Variants in TENM3 observed in about 807,000 individuals in gnomAD.
The protein encoded by TENM3 is teneurin transmembrane protein 3.
A neutral mutation model predicts 255.1 loss-of-function variants in TENM3; 63 were observed. That is an observed-to-expected ratio of 0.25 (90% CI 0.20 to 0.30). The LOEUF (loss-of-function observed/expected upper bound fraction) is 0.30, where lower values mean the gene tolerates loss of function less well. TENM3 is among the 10% of genes least tolerant of loss of function. TENM3 has a pLI of 1.00. For missense variants in TENM3, 2,929 were observed against 3,461.1 expected, an observed-to-expected ratio of 0.85 and a Z score of 3.86; for synonymous variants, 1,306 against 1,322.3, an observed-to-expected ratio of 0.99 and a Z score of 0.27.
chr4:181,460,502 A>G, the TENM3 span, among the ~76,000 whole-genome samples: 4 of 151,864 alleles, frequency 2.6e-5, no homozygotes, highest in African/African-American at 7.2e-5. Flanking sequence ...ATAGCTCATA[A>G]AATATATTTA....
At chr4:182,276,696 G>A (rs552463672) in intron 1 of TENM3, among the ~76,000 whole-genome samples, 1 of 152,146 alleles carries the variant, frequency 6.6e-6, no homozygotes, top group East Asian at 1.9e-4. Flanking sequence ...TAATGTTTCA[G>A]TGAAAATTAT....
At chr4:181,580,069 C>T in the TENM3 span, among the ~76,000 whole-genome samples, 1 of 152,034 alleles carries the variant, frequency 6.6e-6, no homozygotes, top group African/African-American at 2.4e-5. Context: ...GCGATCTCAA[C>T]TCACCGCAAC....
At chr4:181,862,693 A>C in the TENM3 span, among the ~76,000 whole-genome samples, 1 of 152,328 alleles carries the variant, frequency 6.6e-6, no homozygotes, top group Non-Finnish European at 1.5e-5. Context: ...GTGTTTTTCT[A>C]AATTGCTACT....
the TENM3 span, among the ~76,000 whole-genome samples, chr4:181,448,782 G>A: frequency 6.6e-6 from 1 of 152,104 alleles, no homozygotes; most frequent in Non-Finnish European, 1.5e-5. Flanking sequence ...ATATTACAAA[G>A]TTTTATAAAG....
At chr4:182,219,198 G>A (rs903838478) in intron 1 of TENM3, among the ~76,000 whole-genome samples, 1 of 151,974 alleles carries the variant, frequency 6.6e-6, no homozygotes, top group East Asian at 1.9e-4. Context: ...CTCCAGCCTG[G>A]GTGACAGAGC....
the TENM3 span, among the ~76,000 whole-genome samples, chr4:181,597,522 C>G: frequency 1.3e-5 from 2 of 151,900 alleles, no homozygotes; most frequent in African/African-American, 4.8e-5. Flanking sequence ...TTTTTTCAAG[C>G]ATTAACATAT....
At chr4:181,863,197 G>A in the TENM3 span, among the ~76,000 whole-genome samples, 10 of 152,068 alleles carry the variant, frequency 6.6e-5, no homozygotes, top group African/African-American at 9.7e-5. Flanking sequence ...TTTCACCAAG[G>A]CAAAGATGAA....
At chr4:181,618,756 T>C in the TENM3 span, among the ~76,000 whole-genome samples, 3 of 152,194 alleles carry the variant, frequency 2.0e-5, no homozygotes, top group Non-Finnish European at 2.9e-5. Context: ...AAAAGGGATC[T>C]TACAACACGA....
chr4:182,663,371 T>A (rs1177839642), intron 6 of TENM3, among the ~76,000 whole-genome samples: 2 of 152,226 alleles, frequency 1.3e-5, no homozygotes, highest in Non-Finnish European at 2.9e-5. Context: ...TTACAATTAT[T>A]AGTTGTACAC....
At chr4:182,391,848 C>T (rs1425048761) in intron 3 of TENM3, among the ~76,000 whole-genome samples, 1 of 151,970 alleles carries the variant, frequency 6.6e-6, no homozygotes, top group African/African-American at 2.4e-5. Context: ...TTATGGTTGA[C>T]TTCTTCCTCT....
At chr4:181,648,919 G>A in the TENM3 span, among the ~76,000 whole-genome samples, 1 of 152,194 alleles carries the variant, frequency 6.6e-6, no homozygotes, top group Non-Finnish European at 1.5e-5. Flanking sequence ...GGACAATGCG[G>A]TGATTATAAA....
chr4:182,203,087 G>A (rs1754302837), intron 1 of TENM3, among the ~76,000 whole-genome samples: 1 of 151,978 alleles, frequency 6.6e-6, no homozygotes, highest in African/African-American at 2.4e-5. Flanking sequence ...CGTAGTGGTG[G>A]GTGCCTGTAA....
At chr4:182,306,958 A>G (rs192139860) in intron 1 of TENM3, among the ~76,000 whole-genome samples, 12 of 152,350 alleles carry the variant, frequency 7.9e-5, no homozygotes, top group Middle Eastern at 3.4e-3. Context: ...ACTCTGTAAC[A>G]TGACCCCAAA....
intron 1 of TENM3, among the ~76,000 whole-genome samples, chr4:182,233,271 A>G (rs1291267009): frequency 1.3e-5 from 2 of 152,208 alleles, no homozygotes; most frequent in Non-Finnish European, 2.9e-5. Flanking sequence ...CCAGGCATCT[A>G]TCCTGGATAG....
chr4:181,678,841 C>CAACA, the TENM3 span, among the ~76,000 whole-genome samples: 4 of 102,860 alleles, frequency 3.9e-5, no homozygotes, highest in East Asian at 2.6e-4. Context: ...ATGTTTTAAA[C>CAACA]AAAAAAAAAA....
chr4:182,096,259 G>A, the TENM3 span, among the ~76,000 whole-genome samples: 4 of 152,074 alleles, frequency 2.6e-5, no homozygotes, highest in Admixed American at 6.6e-5. Flanking sequence ...GTCTAAAGAC[G>A]GGACAAATTA....
chr4:181,641,545 GGT>G, the TENM3 span, among the ~76,000 whole-genome samples: 1,130 of 23,738 alleles, frequency 0.048, 64 homozygotes, highest in Middle Eastern at 0.079. Flanking sequence ...AGTATTCCAT[GGT>G]GTGTGTGTAT....
At chr4:182,591,267 G>A (rs1746619505) in intron 3 of TENM3, among the ~76,000 whole-genome samples, 1 of 152,090 alleles carries the variant, frequency 6.6e-6, no homozygotes, top group South Asian at 2.1e-4. Context: ...GAGAGAGAAC[G>A]TGAAGATTTA....
At chr4:182,487,949 A>C (rs1020971657) in intron 3 of TENM3, among the ~76,000 whole-genome samples, 3 of 152,212 alleles carry the variant, frequency 2.0e-5, no homozygotes, top group African/African-American at 7.2e-5. Flanking sequence ...GTGGGTTAAA[A>C]TAGGAAGTTA....
Sources: allele counts gnomAD v4.1 joint callset (sites outside exome capture counted in the v4.1 genomes callset), GRCh38; gene constraint gnomAD v4.1.1; transcripts MANE v1.5; gene names NCBI Gene and HGNC (gene_info 2026-07-23, HGNC 2026-07-21).